CD69: variants seen among roughly 807,000 people sequenced by gnomAD.
The protein encoded by CD69 is CD69 molecule.
CD69 carries 10 observed loss-of-function variants against 21.4 expected under a neutral mutation model. That is an observed-to-expected ratio of 0.47 (90% CI 0.29 to 0.79). CD69 has a LOEUF of 0.79. CD69 is among the 30% of genes least tolerant of loss of function. CD69 has a pLI of 0.09. For missense variants in CD69, 204 were observed against 236.9 expected, an observed-to-expected ratio of 0.86 and a Z score of 0.91; for synonymous variants, 63 against 78.2, an observed-to-expected ratio of 0.81 and a Z score of 1.03.
At chr12:9,754,541 C>A in intron 4 of CD69, 46 bp downstream of exon 4, 1 of 1,079,476 alleles carries the variant, frequency 9.3e-7, no homozygotes, top group Non-Finnish European at 1.4e-6. Flanking sequence ...AGTGATTTTC[C>A]TGAGATGCCA....
intron 4 of CD69, 50 bp from the exon 5 acceptor site, chr12:9,753,639 T>C: frequency 1.2e-6 from 1 of 855,230 alleles, no homozygotes; most frequent in Non-Finnish European, 1.9e-6. Context: ...ATTGTTTTCA[T>C]TCAGTTACAT....
chr12:9,752,655 T>C lies in CD69; in HGVS notation c.*826A>G, dbSNP rs1466882726. 6 of 152,642 alleles carry C rather than the reference T, an allele frequency of 3.9e-5. No homozygotes were observed. The highest frequency in any genetic ancestry group is 1.2e-4 in the African/African-American group (5 of 41,462). 9.5% of individuals were successfully genotyped at this position (152,642 alleles called of 1,614,324 possible). ...GAAAGTCACAAACCTATTATAAGAC[T>C]AGTATTATTCTAGGTCTGAAGATTA... On this transcript the variant is annotated 3_prime_UTR_variant, in exon 5 of 5. Transcript: ENST00000228434.
intron 1 of CD69, among the ~76,000 whole-genome samples, chr12:9,757,593 T>G (rs1239862941): frequency 6.6e-6 from 1 of 151,956 alleles, no homozygotes; most frequent in East Asian, 1.9e-4. Context: ...ATAAGACAAC[T>G]GATACATGCA....
In CD69 at chr12:9,760,886, A is replaced by C. The variant is rs2121106204; in HGVS notation, c.-66T>G. 3.0e-6 allele frequency: 4 copies of C among 1,348,620 alleles called. No individual in the cohort carries two copies. Among genetic ancestry groups the C allele is most frequent in the Non-Finnish European group, 4.2e-6 (4 of 947,092 alleles). 83.5% of individuals were successfully genotyped at this position (1,348,620 alleles called of 1,614,324 possible). On this transcript the variant is annotated 5_prime_UTR_variant, in exon 1 of 5. Coordinates refer to ENST00000228434, the MANE Select transcript of CD69 (RefSeq NM_001781.2). ...AAGCTACAGTGAAAGTCTTTGCTGG[A>C]GCTCTTGTTGAGTCTGTGAGGCTCT...
chr12:9,754,793 A>G, intron 3 of CD69, 103 bp from the exon 4 acceptor site: 1 of 819,056 alleles, frequency 1.2e-6, no homozygotes, highest in Non-Finnish European at 2.1e-6. Flanking sequence ...ATGACAGCTT[A>G]TCTGACCATG....
chr12:9,754,470 T>A (rs994878506), intron 4 of CD69, 117 bp downstream of exon 4: 2 of 691,462 alleles, frequency 2.9e-6, no homozygotes, highest in Non-Finnish European at 5.3e-6. Flanking sequence ...CAGAAGAGAT[T>A]GTTAGAGCTC....
intron 1 of CD69, among the ~76,000 whole-genome samples, chr12:9,758,043 G>C (rs1390459251): frequency 7.2e-6 from 1 of 139,522 alleles, no homozygotes; most frequent in Admixed American, 7.8e-5. Flanking sequence ...TCTGTACAAT[G>C]GTGAAACAAA....
In CD69 at chr12:9,753,185, C is replaced by A; in HGVS notation, c.*296G>T. ...CTAGTTATTTCATTATTTCTGGATT[C>A]AAAATAATATAAAGTGCATCCAAAG... On this transcript the variant is annotated 3_prime_UTR_variant, in exon 5 of 5. Transcript: ENST00000228434. 1 of 188,050 alleles carries A rather than the reference C, an allele frequency of 5.3e-6. No individual in the cohort carries two copies. The highest frequency in any genetic ancestry group is 1.1e-5 in the Non-Finnish European group (1 of 91,454). 11.6% of individuals were successfully genotyped at this position (188,050 alleles called of 1,614,324 possible).
At chr12:9,759,015 C>T (rs772840142) in intron 1 of CD69, among the ~76,000 whole-genome samples, 4 of 151,988 alleles carry the variant, frequency 2.6e-5, no homozygotes, top group South Asian at 2.1e-4. Context: ...CTGCAAGCTC[C>T]GCCTCCCGGG....
Position 9,756,397 on chromosome 12 carries a change from G to T in CD69, c.87C>A (p.Phe29Leu). ...GGAAGGACCCTTCATGACGTGTTGA[G>T]AAATGGGGACTGGTGGCATCATCTG... Reference protein sequence around the residue: ...GQENDATSPHFSTRHEGSFQV... With the variant: ...GQENDATSPHLSTRHEGSFQV... The change falls in exon 2 of 5, where the codon TTC becomes TTA. Residue 29 changes from phenylalanine (F) to leucine (L), a missense_variant. By Grantham distance (22) the Phe-to-Leu change is conservative. Coordinates refer to ENST00000228434, the MANE Select transcript of CD69 (RefSeq NM_001781.2). 2 of 1,613,708 alleles carry T rather than the reference G, an allele frequency of 1.2e-6. No individual in the cohort carries two copies. Among genetic ancestry groups the T allele is most frequent in the Non-Finnish European group, 1.7e-6 (2 of 1,179,720 alleles).
At chr12:9,757,941 A>C (rs1427489353) in intron 1 of CD69, among the ~76,000 whole-genome samples, 1 of 152,258 alleles carries the variant, frequency 6.6e-6, no homozygotes, top group Non-Finnish European at 1.5e-5. Context: ...ATGAACAGTA[A>C]AAATTTGAAT....
At chr12:9,759,716 TCTC>T (rs1866715917) in intron 1 of CD69, among the ~76,000 whole-genome samples, 1 of 152,178 alleles carries the variant, frequency 6.6e-6, no homozygotes, top group Admixed American at 6.5e-5. Context: ...TTGTTTTAGT[TCTC>T]CTGTTTCTTA....
Position 9,756,377 on chromosome 12 carries a change from G to T in CD69, c.107C>A (p.Ser36Tyr). 1.2e-6 allele frequency: 2 copies of T among 1,613,672 alleles called. No individual in the cohort carries two copies. Among genetic ancestry groups the T allele is most frequent in the Non-Finnish European group, 1.7e-6 (2 of 1,179,640 alleles). Residue 36 changes from serine to tyrosine, a missense_variant, in exon 2 of 5, where the codon TCC becomes TAC. By Grantham distance (144) the Ser-to-Tyr change is moderately radical. Coordinates refer to ENST00000228434, the MANE Select transcript of CD69 (RefSeq NM_001781.2). ...SPHFSTRHEG[S>Y]FQVPVLCAVM... is the part of the protein sequence containing the mutation. ...AGCACACAGGACAGGAACTTGGAAG[G>T]ACCCTTCATGACGTGTTGAGAAATG...
intron 1 of CD69, 107 bp downstream of exon 1, chr12:9,760,650 A>G: frequency 1.3e-6 from 1 of 789,014 alleles, no homozygotes; most frequent in Non-Finnish European, 2.1e-6. Flanking sequence ...TATTTCTCTA[A>G]GATTATATAT....
At chr12:9,759,382 G>A (rs1866711940) in intron 1 of CD69, among the ~76,000 whole-genome samples, 1 of 152,134 alleles carries the variant, frequency 6.6e-6, no homozygotes, top group African/African-American at 2.4e-5. Flanking sequence ...GACTAGGGCA[G>A]CCTAAATCAG....
chr12:9,754,510 G>T, intron 4 of CD69, 77 bp downstream of exon 4: 1 of 822,404 alleles, frequency 1.2e-6, no homozygotes, highest in Non-Finnish European at 2.2e-6. Flanking sequence ...TATTTAAAGT[G>T]CTTTGAAAGG....
At chr12:9,757,234 A>G (rs1225007805) in intron 1 of CD69, among the ~76,000 whole-genome samples, 2 of 152,220 alleles carry the variant, frequency 1.3e-5, no homozygotes, top group Non-Finnish European at 2.9e-5. Context: ...CATTAAAATG[A>G]CTGAACAAAA....
intron 1 of CD69, among the ~76,000 whole-genome samples, chr12:9,758,297 T>C (rs1381300741): frequency 1.3e-5 from 2 of 152,168 alleles, no homozygotes; most frequent in Non-Finnish European, 2.9e-5. Context: ...AGGTCCCTAT[T>C]ATGTTCTCAA....
At position 9,754,677 on chromosome 12, in the gene CD69, C is replaced by T. The variant is rs1289668029; in HGVS notation, c.401G>A (p.Arg134Gln). 6 of 1,607,448 alleles carry T rather than the reference C, an allele frequency of 3.7e-6. No individual in the cohort carries two copies. Among genetic ancestry groups the T allele is most frequent in the Admixed American group, 3.3e-5 (2 of 60,014 alleles). The stretch of plus-strand genomic sequence containing the variant: ...CCAGTGTTCCTCTCTACCTGCGTAT[C>T]GTTTTAGAAAGTTCTTAAAGAAAGC... The part of the protein sequence containing the change: ...DSEKDMNFLK[R>Q]YAGREEHWVG... The change falls in exon 4 of 5, where the codon CGA becomes CAA. Residue 134 changes from arginine to glutamine, a missense_variant. Physicochemically the swap from Arg to Gln is conservative, Grantham distance 43. Transcript: ENST00000228434.
Sources: allele counts gnomAD v4.1 joint callset (sites outside exome capture counted in the v4.1 genomes callset), GRCh38; gene constraint gnomAD v4.1.1; transcripts MANE v1.5; gene names NCBI Gene and HGNC (gene_info 2026-07-23, HGNC 2026-07-21).